The following VAMP4 variants were observed in gnomAD, a reference collection of about 807,000 sequenced individuals.
VAMP4 encodes vesicle associated membrane protein 4, also known as vesicle-associated membrane protein 4.
In VAMP4, 19 loss-of-function variants were observed where a neutral mutation model predicts 23.5. The ratio of observed to expected loss-of-function variants is 0.81; its 90% CI spans 0.56 to 1.19. VAMP4 has a LOEUF of 1.19. VAMP4 is among the 50% of genes most tolerant of loss of function. The probability of loss-of-function intolerance (pLI) is 0.00; values close to 1 mark genes in which losing one functional copy is unlikely to be tolerated. For missense variants in VAMP4, 145 were observed against 168.6 expected (o/e 0.86, Z 0.78); for synonymous variants, 31 against 51.0 (o/e 0.61, Z 1.67).
chr1:171,723,991 A>C (rs1655281743), intron 3 of VAMP4, among the ~76,000 whole-genome samples: 2 of 152,204 alleles, frequency 1.3e-5, no homozygotes, highest in South Asian at 4.1e-4. Flanking sequence ...ACAACGGATT[A>C]TAAATCATGC....
chr1:171,717,048 T>C lies in VAMP4; in HGVS notation c.164+2123A>G, dbSNP rs563817494. ...TGTGTATGTTTGGCATTCATTAACA[T>C]AGACATATATTCTTTAATGCCTACT... On this transcript the variant is annotated intron_variant, in intron 4 of 7. Transcript: ENST00000236192. Among the ~76,000 whole-genome samples the C allele has an allele frequency of 2.6e-5, 4 of 152,304 alleles. No homozygotes were observed. In the East Asian group the frequency reaches 5.8e-4, roughly 22 times the overall value.
intron 2 of VAMP4, among the ~76,000 whole-genome samples, chr1:171,736,035 C>T (rs944551987): frequency 7.2e-5 from 11 of 152,016 alleles, no homozygotes; most frequent in Non-Finnish European, 1.5e-5. Flanking sequence ...TACAGGTGTG[C>T]ACCACCGCAC....
chr1:171,711,766 C>G (rs920255705), intron 4 of VAMP4, among the ~76,000 whole-genome samples: 1 of 152,150 alleles, frequency 6.6e-6, no homozygotes, highest in Non-Finnish European at 1.5e-5. Context: ...CCATGGTCCT[C>G]ATACTAAACA....
At chr1:171,728,703 T>C in intron 2 of VAMP4, 133 bp from the exon 3 acceptor site, 1 of 778,510 alleles carries the variant, frequency 1.3e-6, no homozygotes, top group Non-Finnish European at 2.0e-6. Flanking sequence ...GAAAAGTAAT[T>C]ACATATCCTT....
In VAMP4 at chr1:171,700,650, A is replaced by G. The variant is rs1353626687; in HGVS notation, c.*3856T>C. On this transcript the variant is annotated 3_prime_UTR_variant, in exon 8 of 8. Transcript: ENST00000236192. ...GCAAAAGCAAAAGGCCCCACTCTTC[A>G]GTCACTCATATTGCTTCTCCAGAGA... is the stretch of plus-strand genomic sequence containing the variant. 2 of 152,284 alleles carry G rather than the reference A, an allele frequency of 1.3e-5. No individual in the cohort carries two copies. The highest frequency in any genetic ancestry group is 6.5e-5 in the Admixed American group (1 of 15,286). The allele number at this position is 152,284 out of a possible 1,614,324, so 9.4% of individuals were successfully genotyped here.
At chr1:171,736,428 G>C (rs779172932) in intron 2 of VAMP4, among the ~76,000 whole-genome samples, 1 of 152,050 alleles carries the variant, frequency 6.6e-6, no homozygotes, top group Admixed American at 6.6e-5. Context: ...CTTGCATGGG[G>C]AACTAGCTCA....
intron 4 of VAMP4, among the ~76,000 whole-genome samples, chr1:171,715,192 A>G (rs4309015): frequency 2.1e-3 from 315 of 152,358 alleles, no homozygotes; most frequent in Non-Finnish European, 3.7e-3. Flanking sequence ...ATGGCTATTA[A>G]CTAAAATAAA....
chr1:171,705,075 T>G (rs1486871980), intron 7 of VAMP4, among the ~76,000 whole-genome samples: 1 of 152,098 alleles, frequency 6.6e-6, no homozygotes, highest in African/African-American at 2.4e-5. Flanking sequence ...AACACTAAAT[T>G]AGTGAATATG....
chr1:171,720,428 G>GAAA (rs1655154279), intron 3 of VAMP4, among the ~76,000 whole-genome samples: 1 of 151,780 alleles, frequency 6.6e-6, no homozygotes, highest in African/African-American at 2.4e-5. Flanking sequence ...AATACTTATA[G>GAAA]AAAAACACAA....
At chr1:171,715,576 T>C (rs541593439) in intron 4 of VAMP4, among the ~76,000 whole-genome samples, 2 of 152,290 alleles carry the variant, frequency 1.3e-5, no homozygotes, top group African/African-American at 2.4e-5. Context: ...AATCTCTACT[T>C]TACTTGTGAG....
At chr1:171,720,553 A>G (rs1400040866) in intron 3 of VAMP4, among the ~76,000 whole-genome samples, 1 of 152,038 alleles carries the variant, frequency 6.6e-6, no homozygotes, top group Non-Finnish European at 1.5e-5. Context: ...GAACATCACT[A>G]CAGACAAATG....
chr1:171,707,106 T>C (rs74122928), intron 6 of VAMP4, among the ~76,000 whole-genome samples: 1,987 of 152,286 alleles, frequency 0.013, 41 homozygotes, highest in African/African-American at 0.043. Flanking sequence ...GGCAGTATTG[T>C]ATTCATGCAA....
Position 171,710,696 on chromosome 1 carries a change from A to T in VAMP4, c.265+18T>A. 6.4e-7 allele frequency: 1 copy of T among 1,550,960 alleles called. No individual in the cohort carries two copies. The highest frequency in any genetic ancestry group is 8.8e-7 in the Non-Finnish European group (1 of 1,134,636). On this transcript the variant is annotated intron_variant, in intron 5 of 7. Transcript: ENST00000236192. ...GCAAACAGATTAGTAATATCAAGAA[A>T]TACATGAAGATCTGTACCTGATTTG...
At position 171,730,432 on chromosome 1, in the gene VAMP4, A is replaced by G. The variant is rs952714637; in HGVS notation, c.67-1862T>C. ...AAGTTAAAGCTTTTGAAAAAAATACATATTATATAGAAAAGCTTAAAAAGA... is the reference window on the plus strand; with the variant it reads ...AAGTTAAAGCTTTTGAAAAAAATACGTATTATATAGAAAAGCTTAAAAAGA... On this transcript the variant is annotated intron_variant, in intron 2 of 7. Transcript: ENST00000236192. Among the ~76,000 whole-genome samples, 51 of 152,238 alleles carry G rather than the reference A, an allele frequency of 3.4e-4. 1 individual carries two copies. Among genetic ancestry groups the G allele is most frequent in the African/African-American group, 1.2e-3 (48 of 41,468 alleles).
chr1:171,713,823 G>A (rs1327241594), intron 4 of VAMP4, among the ~76,000 whole-genome samples: 3 of 151,902 alleles, frequency 2.0e-5, no homozygotes, highest in African/African-American at 7.2e-5. Context: ...ATAGAGATCT[G>A]TCTCAAAGGA....
chr1:171,741,164 C>T (rs1232662074), intron 1 of VAMP4, among the ~76,000 whole-genome samples: 1 of 152,222 alleles, frequency 6.6e-6, no homozygotes, highest in African/African-American at 2.4e-5. Flanking sequence ...AGTCACATCA[C>T]CGTATGCTTC....
In VAMP4 at chr1:171,734,443, A is replaced by C. The variant is rs978684740; in HGVS notation, c.66+3906T>G. Among the ~76,000 whole-genome samples, 5 of 152,270 alleles carry C rather than the reference A, an allele frequency of 3.3e-5. No homozygotes were observed. The South Asian group carries it at 8.3e-4, about 25-fold the overall frequency. ...TAGGAGTGCAGTTGCTTAGAGGCTG[A>C]GGGGATAAAGAAAATGGGAGATGAC... On this transcript the variant is annotated intron_variant, in intron 2 of 7. Coordinates refer to ENST00000236192, the MANE Select transcript of VAMP4 (RefSeq NM_003762.5).
chr1:171,723,896 C>T (rs112566773), intron 3 of VAMP4, among the ~76,000 whole-genome samples: 53,324 of 151,940 alleles, frequency 0.35, 9,807 homozygotes, highest in African/African-American at 0.47. Flanking sequence ...ATTGGGGAAC[C>T]AATAAATGTC....
At chr1:171,738,640 CT>C (rs1346787181) in intron 1 of VAMP4, among the ~76,000 whole-genome samples, 177 bp from the exon 2 acceptor site, 1 of 152,094 alleles carries the variant, frequency 6.6e-6, no homozygotes, top group Non-Finnish European at 1.5e-5. Flanking sequence ...ACCTCAACAC[CT>C]AAGAAATAGT....
Sources: gnomAD v4.1 joint callset for allele counts (sites outside exome capture counted in the v4.1 genomes callset) on GRCh38, gnomAD v4.1.1 for gene constraint, MANE v1.5 for transcripts, NCBI Gene and HGNC (gene_info 2026-07-23, HGNC 2026-07-21) for gene names.